The following MAGI2 variants were observed in gnomAD, a reference collection of about 807,000 sequenced individuals.
MAGI2 encodes membrane-associated guanylate kinase, WW and PDZ domain-containing protein 2.
In MAGI2, 35 loss-of-function variants were observed where a neutral mutation model predicts 133.3. The ratio of observed to expected loss-of-function variants is 0.26; its 90% CI spans 0.20 to 0.35. MAGI2 has a LOEUF of 0.35. Among genes scored for constraint, MAGI2 ranks in the 10% least tolerant of loss-of-function variants. MAGI2 has a pLI of 1.00. For synonymous variants in MAGI2, 729 were observed against 710.6 expected (o/e 1.03, Z -0.41); for missense variants, 1,636 against 1,863.4 (o/e 0.88, Z 2.25).
At chr7:78,348,752 C>T (rs896205401) in intron 7 of MAGI2, among the ~76,000 whole-genome samples, 3 of 152,076 alleles carry the variant, frequency 2.0e-5, no homozygotes, top group African/African-American at 7.2e-5. Context: ...TCTTATACTC[C>T]ACTTCATCAT....
intron 16 of MAGI2, among the ~76,000 whole-genome samples, chr7:78,137,266 C>T (rs1305391984): frequency 6.6e-6 from 1 of 152,054 alleles, no homozygotes; most frequent in Non-Finnish European, 1.5e-5. Flanking sequence ...GTTATCTGTC[C>T]CGTGACCTCT....
chr7:78,044,632 T>C (rs930921160), intron 21 of MAGI2, among the ~76,000 whole-genome samples: 24 of 151,872 alleles, frequency 1.6e-4, no homozygotes, highest in African/African-American at 5.8e-4. Flanking sequence ...CAGGATACAA[T>C]GATCAACAAG....
chr7:78,961,898 C>A (rs1377066110), intron 2 of MAGI2, among the ~76,000 whole-genome samples: 1 of 151,984 alleles, frequency 6.6e-6, no homozygotes, highest in Non-Finnish European at 1.5e-5. Context: ...TATGGTATAG[C>A]CTACTATACC....
chr7:78,788,750 T>C (rs1382825820), intron 2 of MAGI2, among the ~76,000 whole-genome samples: 1 of 152,220 alleles, frequency 6.6e-6, no homozygotes, highest in Non-Finnish European at 1.5e-5. Flanking sequence ...CACTAATAAC[T>C]CCGTTTAAGT....
intron 2 of MAGI2, among the ~76,000 whole-genome samples, chr7:78,825,150 C>T (rs188880758): frequency 6.6e-6 from 1 of 152,040 alleles, no homozygotes; most frequent in South Asian, 2.1e-4. Flanking sequence ...GGCTTAAAAC[C>T]TAGATGACAG....
intron 2 of MAGI2, among the ~76,000 whole-genome samples, chr7:78,896,333 A>G (rs1055159460): frequency 2.6e-5 from 4 of 151,990 alleles, no homozygotes; most frequent in East Asian, 1.9e-4. Flanking sequence ...CCTTGTCCTC[A>G]AAACTTGTCA....
intron 1 of MAGI2, among the ~76,000 whole-genome samples, chr7:79,183,793 A>C (rs1826827631): frequency 6.6e-6 from 1 of 151,986 alleles, no homozygotes; most frequent in Admixed American, 6.6e-5. Flanking sequence ...GCAAGGAAAT[A>C]GTATTCAGCC....
At chr7:78,947,922 T>C (rs1801554701) in intron 2 of MAGI2, among the ~76,000 whole-genome samples, 4 of 152,162 alleles carry the variant, frequency 2.6e-5, no homozygotes, top group African/African-American at 7.2e-5. Flanking sequence ...CCAATGATGA[T>C]ATTCAAATAA....
chr7:78,530,587 A>T (rs1237132865), intron 3 of MAGI2, among the ~76,000 whole-genome samples: 3 of 152,248 alleles, frequency 2.0e-5, no homozygotes, highest in Admixed American at 2.0e-4. Flanking sequence ...GGAAACAGAC[A>T]ATACTCATAG....
rs769770373 is a variant in MAGI2 at position 79,077,574 on chromosome 7, C to CAAAAAAAAA, written c.302-70377_302-70369dup. On this transcript the variant is annotated intron_variant, in intron 1 of 21. Coordinates refer to ENST00000354212, the MANE Select transcript of MAGI2 (RefSeq NM_012301.4). ...TGGGCAACAGAGCGAGACTGCCTCT[C>CAAAAAAAAA]AAAAAAAAAAAAAAAAAAAAATAAA... is the stretch of plus-strand genomic sequence containing the variant. Among the ~76,000 whole-genome samples the CAAAAAAAAA allele has an allele frequency of 3.8e-4, 9 of 23,750 alleles. 1 individual carries two copies. The highest frequency in any genetic ancestry group is 1.1e-3 in the African/African-American group (7 of 6,592). The allele number at this position is 23,750 out of a possible 152,430, so 15.6% of individuals were successfully genotyped here. A position where few individuals can be genotyped will look rare whatever the true frequency, so the allele number is the denominator to read the frequency against.
chr7:78,224,891 G>A (rs780452569), intron 10 of MAGI2, among the ~76,000 whole-genome samples: 13 of 151,916 alleles, frequency 8.6e-5, no homozygotes, highest in Admixed American at 5.9e-4. Flanking sequence ...GAAGATGCTG[G>A]GCATTCCTCC....
intron 1 of MAGI2, among the ~76,000 whole-genome samples, chr7:79,394,224 T>A (rs183192580): frequency 6.6e-6 from 1 of 152,230 alleles, no homozygotes; most frequent in East Asian, 1.9e-4. Context: ...TGAAGTGAAC[T>A]CTCCTGAACA....
chr7:78,065,150 GC>G (rs1554430589), intron 21 of MAGI2, among the ~76,000 whole-genome samples: 1 of 152,156 alleles, frequency 6.6e-6, no homozygotes, highest in Non-Finnish European at 1.5e-5. Flanking sequence ...AGTTTCTAGG[GC>G]TAGAAGGTCT....
intron 1 of MAGI2, among the ~76,000 whole-genome samples, chr7:79,103,893 G>T (rs1269479301): frequency 6.6e-6 from 1 of 151,756 alleles, no homozygotes; most frequent in Non-Finnish European, 1.5e-5. Flanking sequence ...AGTAGAGACG[G>T]GGTTTCACCA....
chr7:78,839,355 GT>G (rs1346574782), intron 2 of MAGI2, among the ~76,000 whole-genome samples: 1 of 152,006 alleles, frequency 6.6e-6, no homozygotes, highest in Non-Finnish European at 1.5e-5. Flanking sequence ...GTCAAATTGT[GT>G]TTTCTTTAAA....
rs1443800365 is a variant in MAGI2 at position 79,232,408 on chromosome 7, G to A, written c.301+220612C>T. ...TGTACCTCTGGTAGAATTCGGCTGT[G>A]AATCCATCTGGTCCTGGACTCTTTT... On this transcript the variant is annotated intron_variant, in intron 1 of 21. Transcript: ENST00000354212. Among the ~76,000 whole-genome samples, 9 of 143,410 alleles carry A rather than the reference G, an allele frequency of 6.3e-5. No homozygotes were observed. In the East Asian group the frequency reaches 1.8e-3, roughly 29 times the overall value. 94.1% of individuals were successfully genotyped at this position (143,410 alleles called of 152,430 possible).
chr7:79,352,407 G>C (rs959616976), intron 1 of MAGI2, among the ~76,000 whole-genome samples: 1 of 152,156 alleles, frequency 6.6e-6, no homozygotes, highest in Admixed American at 6.5e-5. Flanking sequence ...AAAAGTCCTG[G>C]TTTTCTTGAA....
At chr7:78,752,379 G>A (rs1040236134) in intron 2 of MAGI2, among the ~76,000 whole-genome samples, 3 of 152,150 alleles carry the variant, frequency 2.0e-5, no homozygotes, top group Non-Finnish European at 4.4e-5. Flanking sequence ...GAGGTAGGTG[G>A]ATCACCTGAG....
At chr7:78,177,978 C>T (rs1161154142) in intron 14 of MAGI2, 33 bp downstream of exon 14, 26 of 1,459,280 alleles carry the variant, frequency 1.8e-5, no homozygotes, top group Non-Finnish European at 2.1e-5. Flanking sequence ...ACAATACAGC[C>T]CCAAGCATGG....
Sources: gnomAD v4.1 joint callset for allele counts (sites outside exome capture counted in the v4.1 genomes callset) on GRCh38, gnomAD v4.1.1 for gene constraint, MANE v1.5 for transcripts, NCBI Gene and HGNC (gene_info 2026-07-23, HGNC 2026-07-21) for gene names.